The following PKHD1L1 variants were observed in gnomAD, a reference collection of about 807,000 sequenced individuals.
PKHD1L1 encodes the protein fibrocystin-L.
PKHD1L1 carries 434 observed loss-of-function variants against 462.9 expected under a neutral mutation model. That is an observed-to-expected ratio of 0.94 (90% confidence interval 0.87 to 1.02). PKHD1L1 has a LOEUF of 1.02. Ranked by LOEUF, PKHD1L1 falls within the 50% of genes least tolerant of loss-of-function variation. The probability of loss-of-function intolerance (pLI) is 0.00; values close to 1 mark genes in which losing one functional copy is unlikely to be tolerated. For missense variants in PKHD1L1, 5,202 were observed against 5,096.1 expected (o/e 1.02, Z -0.63); for synonymous variants, 1,781 against 1,750.0 (o/e 1.02, Z -0.44).
In PKHD1L1 at chr8:109,526,929, G is replaced by T. The variant is rs759801867; in HGVS notation, c.12630G>T (p.Gln4210His). The change falls in exon 77 of 78, where the codon CAG becomes CAT. Residue 4210 changes from glutamine to histidine, a missense_variant. Transcript: ENST00000378402. ...SKASTVGTYA[Q>H]IMTVVISCLV... Reference sequence around the variant, plus strand: ...CATCAACTGTGGGTACATATGCCCAGATAATGACTGTAGTAATTAGCTGTC... The same window carrying T: ...CATCAACTGTGGGTACATATGCCCATATAATGACTGTAGTAATTAGCTGTC... 3.1e-6 allele frequency: 5 copies of T among 1,613,654 alleles called. No homozygotes were observed. The highest frequency in any genetic ancestry group is 3.4e-6 in the Non-Finnish European group (4 of 1,179,828).
At position 109,433,105 on chromosome 8, in the gene PKHD1L1, G is replaced by C; in HGVS notation, c.3230-1G>C. 2 of 1,587,770 alleles carry C rather than the reference G, an allele frequency of 1.3e-6. No individual in the cohort carries two copies. Among genetic ancestry groups the C allele is most frequent in the Non-Finnish European group, 1.7e-6 (2 of 1,162,640 alleles). ...TTGTTATTTAAATTGATCATTTTTAGGGTCCTATGAAGAAGGCACAATTCT... is the reference window on the plus strand; with the variant it reads ...TTGTTATTTAAATTGATCATTTTTACGGTCCTATGAAGAAGGCACAATTCT... On this transcript the variant is annotated splice_acceptor_variant, in intron 27 of 77. Coordinates refer to ENST00000378402, the MANE Select transcript of PKHD1L1 (RefSeq NM_177531.6). LOFTEE classifies it high-confidence loss of function.
At chr8:109,443,205 A>G (rs1183720861) in intron 36 of PKHD1L1, 89 bp downstream of exon 36, 6 of 1,278,108 alleles carry the variant, frequency 4.7e-6, no homozygotes, top group East Asian at 2.3e-5. Flanking sequence ...AACTGGGTCT[A>G]ACTGTGCTTC....
At chr8:109,418,368 T>C (rs1434186785) in intron 21 of PKHD1L1, among the ~76,000 whole-genome samples, 1 of 152,068 alleles carries the variant, frequency 6.6e-6, no homozygotes, top group Non-Finnish European at 1.5e-5. Context: ...CTGAAGAAAA[T>C]GGGACTGTAA....
chr8:109,421,716 G>A (rs1284418477), intron 23 of PKHD1L1, among the ~76,000 whole-genome samples: 1 of 152,136 alleles, frequency 6.6e-6, no homozygotes, highest in African/African-American at 2.4e-5. Flanking sequence ...CCCGGGAGGC[G>A]GAGCTTGCAG....
chr8:109,502,802 A>G (rs1220151593), intron 67 of PKHD1L1, among the ~76,000 whole-genome samples: 1 of 152,260 alleles, frequency 6.6e-6, no homozygotes, highest in African/African-American at 2.4e-5. Context: ...AAGCAAAGAT[A>G]TGACCTCAGC....
chr8:109,486,149 T>G (rs1818515566), intron 58 of PKHD1L1, among the ~76,000 whole-genome samples: 2 of 151,984 alleles, frequency 1.3e-5, no homozygotes, highest in Non-Finnish European at 1.5e-5. Flanking sequence ...TACCTATTGA[T>G]GAAGACTTGT....
At chr8:109,422,592 G>T (rs1312918366) in intron 23 of PKHD1L1, among the ~76,000 whole-genome samples, 1 of 152,034 alleles carries the variant, frequency 6.6e-6, no homozygotes, top group African/African-American at 2.4e-5. Flanking sequence ...TTACTGTTAT[G>T]GATGTACCAG....
chr8:109,480,467 G>A (rs1413517997), intron 55 of PKHD1L1: 28 of 419,398 alleles, frequency 6.7e-5, no homozygotes, highest in Non-Finnish European at 2.8e-5. Flanking sequence ...TCTGAAACAA[G>A]TAAAAGAATT....
chr8:109,384,588 T>A (rs1812337452), intron 5 of PKHD1L1, among the ~76,000 whole-genome samples: 1 of 152,066 alleles, frequency 6.6e-6, no homozygotes, highest in South Asian at 2.1e-4. Context: ...TATATCTTCA[T>A]CTACTATAAT....
At chr8:109,380,967 C>A (rs1030701789) in intron 2 of PKHD1L1, among the ~76,000 whole-genome samples, 1 of 152,156 alleles carries the variant, frequency 6.6e-6, no homozygotes. Flanking sequence ...TCACAGTAGG[C>A]TCTCTGTAAC....
At position 109,445,509 on chromosome 8, in the gene PKHD1L1, C is replaced by T; in HGVS notation, c.5640C>T (p.Val1880=). The change falls in exon 38 of 78, where the codon GTC becomes GTT. Residue 1880 remains valine, a synonymous_variant. Coordinates refer to ENST00000378402, the MANE Select transcript of PKHD1L1 (RefSeq NM_177531.6). The part of the protein sequence containing the change: ...CQIISINPNE[V]YCRTPAGTTG... ...TTATTTCCATCAACCCCAATGAAGT[C>T]TACTGCCGCACTCCCGCTGGGACCA... 1 of 1,613,754 alleles carries T rather than the reference C, an allele frequency of 6.2e-7. No individual in the cohort carries two copies. The highest frequency in any genetic ancestry group is 8.5e-7 in the Non-Finnish European group (1 of 1,179,792).
chr8:109,498,809 T>C (rs762549340), intron 67 of PKHD1L1, 38 bp downstream of exon 67: 5 of 1,491,124 alleles, frequency 3.4e-6, no homozygotes, highest in East Asian at 2.3e-5. Context: ...CTCAATTAAT[T>C]TCTGTAAAGA....
intron 67 of PKHD1L1, among the ~76,000 whole-genome samples, chr8:109,500,023 TA>T (rs1819321822): frequency 6.6e-6 from 1 of 152,184 alleles, no homozygotes; most frequent in Non-Finnish European, 1.5e-5. Flanking sequence ...TTGGCTAAGC[TA>T]ATTGTCTGGG....
At chr8:109,383,380 GTATATTA>G (rs1812265933) in intron 4 of PKHD1L1, among the ~76,000 whole-genome samples, 1 of 106,930 alleles carries the variant, frequency 9.4e-6, no homozygotes, top group Admixed American at 1.3e-4. Flanking sequence ...TATATAGTAT[GTATATTA>G]TATATTATAT....
At chr8:109,453,511 AC>A (rs1473847498) in intron 43 of PKHD1L1, among the ~76,000 whole-genome samples, 4 of 152,142 alleles carry the variant, frequency 2.6e-5, no homozygotes, top group African/African-American at 9.7e-5. Flanking sequence ...TAGTGCACAA[AC>A]TTTGCCATAA....
chr8:109,513,376 G>T (rs1389094367), intron 71 of PKHD1L1, among the ~76,000 whole-genome samples: 1 of 152,036 alleles, frequency 6.6e-6, no homozygotes, highest in African/African-American at 2.4e-5. Context: ...ATTCTTCAAT[G>T]CTGCTATTAC....
intron 53 of PKHD1L1, among the ~76,000 whole-genome samples, chr8:109,478,960 A>G (rs766166394): frequency 2.2e-4 from 34 of 152,162 alleles, no homozygotes; most frequent in Non-Finnish European, 2.2e-4. Context: ...AGAAGGCTCA[A>G]GCTATATAAC....
intron 57 of PKHD1L1, among the ~76,000 whole-genome samples, chr8:109,483,649 G>T (rs543366818): frequency 2.3e-4 from 34 of 150,364 alleles, no homozygotes; most frequent in African/African-American, 7.3e-4. Flanking sequence ...TTATGCCAAT[G>T]TATATTAGTC....
Position 109,445,475 on chromosome 8 carries a change from C to T in PKHD1L1, c.5606C>T (p.Pro1869Leu), listed in dbSNP as rs371130814. ...ACTACAGTCACTATTGGGGATGAAC[C>T]TTGTCAAATTATTTCCATCAACCCC... ...GNTTVTIGDE[P>L]CQIISINPNE... Residue 1869 changes from proline to leucine, a missense_variant, in exon 38 of 78, where the codon CCT becomes CTT. By Grantham distance (98) the Pro-to-Leu change is moderately conservative. Around this residue, in one of 3 missense-constraint regions of PKHD1L1, gnomAD observed 4,497 missense variants for 4,336.8 expected, o/e 1.04. Coordinates refer to ENST00000378402, the MANE Select transcript of PKHD1L1 (RefSeq NM_177531.6). The T allele has an allele frequency of 6.2e-7, 1 of 1,613,818 alleles. No individual in the cohort carries two copies. The highest frequency in any genetic ancestry group is 8.5e-7 in the Non-Finnish European group (1 of 1,179,824).
Sources: allele counts gnomAD v4.1 joint callset (sites outside exome capture counted in the v4.1 genomes callset), GRCh38; gene constraint gnomAD v4.1.1; regional missense constraint gnomAD v4.1.1; transcripts MANE v1.5; gene names NCBI Gene and HGNC (gene_info 2026-07-23, HGNC 2026-07-21).